SIGLEC15: variants seen among roughly 807,000 people sequenced by gnomAD.
SIGLEC15 encodes sialic acid-binding Ig-like lectin 15.
In SIGLEC15, 31 loss-of-function variants were observed where a neutral mutation model predicts 26.2. The ratio of observed to expected loss-of-function variants is 1.18; its 90% CI spans 0.89 to 1.60. SIGLEC15 has a LOEUF of 1.60. Among genes scored for constraint, SIGLEC15 ranks in the 40% most tolerant of loss-of-function variants. SIGLEC15 has a pLI of 0.00. For missense variants in SIGLEC15, 501 were observed against 488.4 expected, an observed-to-expected ratio of 1.03 and a Z score of -0.24; for synonymous variants, 207 against 221.9, an observed-to-expected ratio of 0.93 and a Z score of 0.60.
At chr18:45,829,435 G>T (rs143416862) in intron 1 of SIGLEC15, among the ~76,000 whole-genome samples, 87 of 152,254 alleles carry the variant, frequency 5.7e-4, no homozygotes, top group Non-Finnish European at 1.2e-3. Context: ...TTGACAACTT[G>T]CAAGCCCAGA....
intron 1 of SIGLEC15, chr18:45,829,266 T>TA: frequency 1.7e-6 from 1 of 581,240 alleles, no homozygotes; most frequent in Non-Finnish European, 2.2e-6. Flanking sequence ...CTGAAGCAGA[T>TA]AGAGACCAGC....
At chr18:45,836,660 G>T (rs574803237) in intron 1 of SIGLEC15, among the ~76,000 whole-genome samples, 1 of 152,318 alleles carries the variant, frequency 6.6e-6, no homozygotes, top group South Asian at 2.1e-4. Flanking sequence ...GAGCAAGGAG[G>T]CAGTGAAACA....
chr18:45,835,782 TCA>T (rs1241021453), intron 1 of SIGLEC15, among the ~76,000 whole-genome samples: 1 of 152,156 alleles, frequency 6.6e-6, no homozygotes, highest in Admixed American at 6.5e-5. Flanking sequence ...ACTGTGGGAC[TCA>T]CGGCACTGCA....
At position 45,837,979 on chromosome 18, in the gene SIGLEC15, C is replaced by T. The variant is rs112498778; in HGVS notation, c.496+83C>T. 4,317 of 1,388,028 alleles carry T rather than the reference C, an allele frequency of 3.1e-3. 57 individuals are homozygous for T. In the African/African-American group the frequency reaches 0.038, roughly 12 times the overall value. The allele number at this position is 1,388,028 out of a possible 1,614,324, so 86.0% of individuals were successfully genotyped here. On this transcript the variant is annotated intron_variant, in intron 3 of 5. Transcript: ENST00000389474. ...CCCCAAGGGCTACGTGGGTGCCAGG[C>T]GCTGTGCTGAGCCAGGAAGGGCAAC...
intron 2 of SIGLEC15, 40 bp from the exon 3 acceptor site, chr18:45,837,473 C>T (rs2048284777): frequency 2.1e-6 from 3 of 1,436,958 alleles, no homozygotes; most frequent in Non-Finnish European, 2.7e-6. Context: ...GCGCCTCGAC[C>T]CCAGGGCCCC....
At chr18:45,836,747 A>G (rs2048279175) in intron 1 of SIGLEC15, among the ~76,000 whole-genome samples, 1 of 152,236 alleles carries the variant, frequency 6.6e-6, no homozygotes, top group African/African-American at 2.4e-5. Context: ...TCACTTGGGT[A>G]TACCTGAATT....
intron 1 of SIGLEC15, among the ~76,000 whole-genome samples, chr18:45,834,353 G>A (rs544536178): frequency 1.2e-3 from 178 of 152,318 alleles, no homozygotes; most frequent in Non-Finnish European, 2.2e-3. Flanking sequence ...TCCCTGCCCT[G>A]CCAGAGCTTC....
At chr18:45,830,587 T>C (rs570079405) in intron 1 of SIGLEC15, among the ~76,000 whole-genome samples, 2 of 127,608 alleles carry the variant, frequency 1.6e-5, no homozygotes, top group Non-Finnish European at 3.4e-5. Context: ...TTCTTTCTTT[T>C]TTTTTTTTTT....
At chr18:45,835,617 T>C (rs2048270464) in intron 1 of SIGLEC15, among the ~76,000 whole-genome samples, 1 of 152,232 alleles carries the variant, frequency 6.6e-6, no homozygotes, top group South Asian at 2.1e-4. Flanking sequence ...TCATACACTC[T>C]TGATGCTTTG....
chr18:45,834,698 C>T (rs190845600), intron 1 of SIGLEC15, among the ~76,000 whole-genome samples: 2 of 152,344 alleles, frequency 1.3e-5, no homozygotes, highest in African/African-American at 2.4e-5. Flanking sequence ...ACCTTTGTCA[C>T]CACAGCTCGT....
At chr18:45,829,023 A>C in intron 1 of SIGLEC15, 2 of 899,740 alleles carry the variant, frequency 2.2e-6, no homozygotes, top group Non-Finnish European at 2.7e-6. Context: ...TGGGGCGGGA[A>C]GGGGAGGAGT....
intron 1 of SIGLEC15, among the ~76,000 whole-genome samples, 193 bp from the exon 2 acceptor site, chr18:45,836,836 T>C (rs1413425212): frequency 6.6e-6 from 1 of 152,178 alleles, no homozygotes; most frequent in African/African-American, 2.4e-5. Flanking sequence ...TTCCTCTCTG[T>C]AAGTGGAAGT....
At chr18:45,840,714 G>C (rs1342998480) in intron 5 of SIGLEC15, among the ~76,000 whole-genome samples, 1 of 152,224 alleles carries the variant, frequency 6.6e-6, no homozygotes, top group Non-Finnish European at 1.5e-5. Context: ...TGTTGAAGGA[G>C]AAAGAACTCA....
intron 1 of SIGLEC15, among the ~76,000 whole-genome samples, chr18:45,828,077 C>T (rs2048200396): frequency 1.3e-5 from 2 of 152,200 alleles, no homozygotes. Flanking sequence ...CTTCTGGGAG[C>T]CTCTCCTCAT....
intron 1 of SIGLEC15, among the ~76,000 whole-genome samples, chr18:45,834,059 C>A (rs567918549): frequency 2.0e-5 from 3 of 152,184 alleles, no homozygotes; most frequent in African/African-American, 7.2e-5. Flanking sequence ...GATGTCCACG[C>A]CTTGTGGCTT....
chr18:45,829,376 CTCTCTGA>C (rs2048213796), intron 1 of SIGLEC15, among the ~76,000 whole-genome samples: 1 of 152,204 alleles, frequency 6.6e-6, no homozygotes, highest in Admixed American at 6.5e-5. Context: ...CCCTCCTCTG[CTCTCTGA>C]TCTCCACCCC....
In SIGLEC15 at chr18:45,839,045, C is replaced by CGCT; in HGVS notation, c.834_836dup (p.Leu279dup). On this transcript the variant is annotated inframe_insertion, in exon 4 of 6. Coordinates refer to ENST00000389474, the MANE Select transcript of SIGLEC15 (RefSeq NM_213602.3). ...CTGCTCGGCGCTCTCGGCTTCAAGG[C>CGCT]GCTGCTGCTGCTCGGGGTCCTGGCC... is the stretch of plus-strand genomic sequence containing the variant. 1 of 1,542,690 alleles carries CGCT rather than the reference C, an allele frequency of 6.5e-7. No individual in the cohort carries two copies. The highest frequency in any genetic ancestry group is 8.7e-7 in the Non-Finnish European group (1 of 1,154,736).
At chr18:45,837,203 A>C (rs193048903) in intron 2 of SIGLEC15, 115 bp downstream of exon 2, 14 of 1,490,332 alleles carry the variant, frequency 9.4e-6, no homozygotes, top group Middle Eastern at 2.3e-4. Flanking sequence ...AAGGGTAAGA[A>C]TATGGGGTCA....
chr18:45,837,935 C>T lies in SIGLEC15; in HGVS notation c.496+39C>T, dbSNP rs753841386. Reference sequence around the variant, plus strand: ...GGAGCGGGTCCCCGGCCTCCCTTCCCGCCCTCCCGCCTGCCCCGCCCCAAG... The same window carrying T: ...GGAGCGGGTCCCCGGCCTCCCTTCCTGCCCTCCCGCCTGCCCCGCCCCAAG... On this transcript the variant is annotated intron_variant, in intron 3 of 5. Transcript: ENST00000389474. 7.4e-5 allele frequency: 107 copies of T among 1,444,690 alleles called. No individual in the cohort carries two copies. In the Admixed American group the frequency reaches 2.7e-3, roughly 37 times the overall value. 89.5% of individuals were successfully genotyped at this position (1,444,690 alleles called of 1,614,324 possible).
Sources: allele counts gnomAD v4.1 joint callset (sites outside exome capture counted in the v4.1 genomes callset), GRCh38; gene constraint gnomAD v4.1.1; transcripts MANE v1.5; gene names NCBI Gene and HGNC (gene_info 2026-07-23, HGNC 2026-07-21).